The following ARHGAP15 variants were observed in gnomAD, a reference collection of about 807,000 sequenced individuals.
ARHGAP15 encodes the protein rho GTPase-activating protein 15.
A neutral mutation model predicts 63.7 loss-of-function variants in ARHGAP15; 51 were observed. That is an observed-to-expected ratio of 0.80 (90% CI 0.64 to 1.01). The LOEUF is 1.01. ARHGAP15 is among the 50% of genes least tolerant of loss of function. The pLI is 0.00. For synonymous variants in ARHGAP15, 191 were observed against 193.8 expected, an observed-to-expected ratio of 0.99 and a Z score of 0.12; for missense variants, 560 against 564.6, an observed-to-expected ratio of 0.99 and a Z score of 0.08.
intron 12 of ARHGAP15, among the ~76,000 whole-genome samples, chr2:143,663,656 G>A (rs991238096): frequency 6.6e-6 from 1 of 152,128 alleles, no homozygotes; most frequent in South Asian, 2.1e-4. Flanking sequence ...TCAGTGTGCT[G>A]TATTCAGGAA....
intron 12 of ARHGAP15, among the ~76,000 whole-genome samples, chr2:143,683,211 C>T (rs1028972921): frequency 1.1e-4 from 16 of 151,988 alleles, no homozygotes; most frequent in South Asian, 2.1e-4. Flanking sequence ...TTAATAGAGT[C>T]GATCCTATTA....
At chr2:143,547,266 A>G (rs1695372979) in intron 10 of ARHGAP15, among the ~76,000 whole-genome samples, 1 of 152,180 alleles carries the variant, frequency 6.6e-6, no homozygotes, top group Admixed American at 6.5e-5. Flanking sequence ...CTATTGTTCC[A>G]CTATTGTTTC....
intron 8 of ARHGAP15, among the ~76,000 whole-genome samples, chr2:143,468,573 T>C (rs1036669347): frequency 6.6e-6 from 1 of 151,884 alleles, no homozygotes; most frequent in African/African-American, 2.4e-5. Flanking sequence ...TATAATTAAA[T>C]CCTAGAGATT....
chr2:143,251,477 G>A (rs1383730744), intron 6 of ARHGAP15, among the ~76,000 whole-genome samples: 1 of 151,996 alleles, frequency 6.6e-6, no homozygotes, highest in Admixed American at 6.6e-5. Flanking sequence ...GGAAGCATAG[G>A]TAGGTGACAT....
chr2:143,338,905 A>T (rs1408891385), intron 6 of ARHGAP15, among the ~76,000 whole-genome samples: 1 of 152,028 alleles, frequency 6.6e-6, no homozygotes, highest in Non-Finnish European at 1.5e-5. Flanking sequence ...TACCTCCCTC[A>T]CTGTGTTGAT....
chr2:143,285,111 T>C (rs1682028800), intron 6 of ARHGAP15, among the ~76,000 whole-genome samples: 1 of 152,168 alleles, frequency 6.6e-6, no homozygotes, highest in South Asian at 2.1e-4. Flanking sequence ...AAAAGACATA[T>C]GCAGATGAAA....
Position 143,236,125 on chromosome 2 carries a change from A to G in ARHGAP15, c.384+7457A>G. 3.1e-6 allele frequency: 3 copies of G among 967,100 alleles called. No individual in the cohort carries two copies. The South Asian group carries it at 7.3e-5, about 24-fold the overall frequency. The allele number at this position is 967,100 out of a possible 1,614,324, so 59.9% of individuals were successfully genotyped here. A position where few individuals can be genotyped will look rare whatever the true frequency, so the allele number is the denominator to read the frequency against. On this transcript the variant is annotated intron_variant, in intron 5 of 13. Transcript: ENST00000295095. ...AACAACTCCTACCAGGTGTCATATA[A>G]TTTTTTTCTTTTTGTTTTGTTTTGT... is the stretch of plus-strand genomic sequence containing the variant.
Position 143,719,119 on chromosome 2 carries a change from A to G in ARHGAP15, c.1244+15595A>G, listed in dbSNP as rs954051196. ...AACCGCTGTAAGGGGTGGGCAAGAC[A>G]TAGGTTGGTTCTCTGGCACTGAAAA... On this transcript the variant is annotated intron_variant, in intron 13 of 13. Transcript: ENST00000295095. Among the ~76,000 whole-genome samples the G allele has an allele frequency of 3.9e-5, 6 of 152,214 alleles. No homozygotes were observed. In the South Asian group the frequency reaches 1.2e-3, roughly 32 times the overall value.
intron 6 of ARHGAP15, among the ~76,000 whole-genome samples, chr2:143,273,271 T>C (rs1010660612): frequency 1.3e-5 from 2 of 152,106 alleles, no homozygotes; most frequent in African/African-American, 4.8e-5. Context: ...TTTAACAAAT[T>C]AGTTAAAAAA....
chr2:143,667,582 TAAA>T (rs71338146), intron 12 of ARHGAP15, among the ~76,000 whole-genome samples: 55,691 of 139,164 alleles, frequency 0.4, 11,023 homozygotes, highest in Non-Finnish European at 0.46. Flanking sequence ...TAAAAAAAAT[TAAA>T]AAAAAAAAAA....
At chr2:143,266,501 T>C (rs1382881189) in intron 6 of ARHGAP15, among the ~76,000 whole-genome samples, 2 of 152,166 alleles carry the variant, frequency 1.3e-5, no homozygotes, top group African/African-American at 4.8e-5. Context: ...TGTATGAAGG[T>C]AGATTGCTTT....
At chr2:143,476,357 G>A (rs1379773890) in intron 8 of ARHGAP15, among the ~76,000 whole-genome samples, 1 of 152,186 alleles carries the variant, frequency 6.6e-6, no homozygotes, top group Non-Finnish European at 1.5e-5. Context: ...TAAGAGTACT[G>A]TTTCAGTAAG....
At chr2:143,494,411 T>A (rs1316611488) in intron 9 of ARHGAP15, among the ~76,000 whole-genome samples, 1 of 152,212 alleles carries the variant, frequency 6.6e-6, no homozygotes, top group Admixed American at 6.5e-5. Context: ...TGTTGACCAC[T>A]CTACTCCTAT....
intron 6 of ARHGAP15, among the ~76,000 whole-genome samples, chr2:143,252,139 C>T (rs1474580543): frequency 6.6e-6 from 1 of 151,984 alleles, no homozygotes; most frequent in Non-Finnish European, 1.5e-5. Context: ...TGGGCTAAGC[C>T]AGCCTTTTTC....
At chr2:143,375,776 T>C (rs1300626497) in intron 6 of ARHGAP15, among the ~76,000 whole-genome samples, 1 of 152,186 alleles carries the variant, frequency 6.6e-6, no homozygotes, top group East Asian at 1.9e-4. Context: ...CTATCAACAC[T>C]ATGGCTCTAA....
intron 6 of ARHGAP15, among the ~76,000 whole-genome samples, chr2:143,377,729 C>A (rs1686879055): frequency 6.6e-6 from 1 of 151,972 alleles, no homozygotes; most frequent in Non-Finnish European, 1.5e-5. Flanking sequence ...AACAAAGTAG[C>A]AAACAAAATA....
chr2:143,583,386 A>G (rs1181743717), intron 11 of ARHGAP15, among the ~76,000 whole-genome samples: 1 of 152,232 alleles, frequency 6.6e-6, no homozygotes, highest in Admixed American at 6.5e-5. Context: ...ACCAGAGGAC[A>G]ACAGCAGTTT....
chr2:143,753,340 T>G lies in ARHGAP15; in HGVS notation c.1245-14649T>G, dbSNP rs1000417567. ...GCAAGCAAAGCAGCCACCATAATTA[T>G]CAAATTGACAAATGTACGAATGGCC... On this transcript the variant is annotated intron_variant, in intron 13 of 13. Transcript: ENST00000295095. Among the ~76,000 whole-genome samples the G allele has an allele frequency of 2.0e-5, 3 of 152,184 alleles. No individual in the cohort carries two copies. In the South Asian group the frequency reaches 6.2e-4, roughly 32 times the overall value.
intron 12 of ARHGAP15, among the ~76,000 whole-genome samples, chr2:143,638,374 C>A (rs959058528): frequency 2.1e-5 from 3 of 145,626 alleles, no homozygotes; most frequent in African/African-American, 7.6e-5. Flanking sequence ...AATTGGAAAT[C>A]ATCATTCTCA....
Sources: allele counts gnomAD v4.1 joint callset (sites outside exome capture counted in the v4.1 genomes callset), GRCh38; gene constraint gnomAD v4.1.1; transcripts MANE v1.5; gene names NCBI Gene and HGNC (gene_info 2026-07-23, HGNC 2026-07-21).